SUZ12: variants seen among roughly 807,000 people sequenced by gnomAD.
SUZ12 encodes the protein polycomb protein SUZ12.
SUZ12 carries 17 observed loss-of-function variants against 87.3 expected under a neutral mutation model. The ratio of observed to expected loss-of-function variants is 0.19; its 90% CI spans 0.13 to 0.29. SUZ12 has a LOEUF of 0.29. Ranked by LOEUF, SUZ12 falls within the 10% of genes least tolerant of loss-of-function variation. SUZ12 has a pLI of 1.00. For synonymous variants in SUZ12, 253 were observed against 312.4 expected (o/e 0.81, Z 2.01); for missense variants, 526 against 912.2 (o/e 0.58, Z 5.45).
chr17:31,977,966 G>C (rs1162209055), intron 8 of SUZ12, among the ~76,000 whole-genome samples: 1 of 152,172 alleles, frequency 6.6e-6, no homozygotes, highest in Non-Finnish European at 1.5e-5. Context: ...AAGAAACACA[G>C]ACTTATTAAA....
At chr17:31,979,023 T>A (rs888624786) in intron 8 of SUZ12, among the ~76,000 whole-genome samples, 6 of 148,662 alleles carry the variant, frequency 4.0e-5, no homozygotes, top group Non-Finnish European at 7.4e-5. Flanking sequence ...GGAGAATCGC[T>A]TGAACCCAGG....
intron 10 of SUZ12, among the ~76,000 whole-genome samples, chr17:31,992,676 C>T (rs972670083): frequency 1.3e-5 from 2 of 152,146 alleles, no homozygotes; most frequent in African/African-American, 4.8e-5. Flanking sequence ...TCCCAAAGCA[C>T]TGGGATTACA....
intron 4 of SUZ12, among the ~76,000 whole-genome samples, chr17:31,964,818 T>G (rs1453042463): frequency 6.6e-6 from 1 of 151,842 alleles, no homozygotes; most frequent in Non-Finnish European, 1.5e-5. Flanking sequence ...TTCTCTATCT[T>G]AGAAAAAGAG....
chr17:31,976,968 TG>T (rs1908792802), intron 8 of SUZ12, among the ~76,000 whole-genome samples: 1 of 152,234 alleles, frequency 6.6e-6, no homozygotes, highest in African/African-American at 2.4e-5. Context: ...AATCAACTAA[TG>T]TCACTTAGTG....
chr17:31,953,862 C>T (rs919302904), intron 4 of SUZ12, among the ~76,000 whole-genome samples: 5 of 151,386 alleles, frequency 3.3e-5, no homozygotes, highest in East Asian at 1.9e-4. Context: ...TATAGGCACG[C>T]GGTGCCACTC....
At chr17:31,987,948 A>G (rs1454915986) in intron 9 of SUZ12, among the ~76,000 whole-genome samples, 1 of 152,170 alleles carries the variant, frequency 6.6e-6, no homozygotes, top group Non-Finnish European at 1.5e-5. Flanking sequence ...TCAAAAAAAA[A>G]AAAAGACATT....
At chr17:31,988,548 G>A (rs773122166) in intron 10 of SUZ12, 51 bp downstream of exon 10, 1 of 1,490,520 alleles carries the variant, frequency 6.7e-7, no homozygotes, top group African/African-American at 1.4e-5. Context: ...GCAGAGTTAG[G>A]TCTTGTGCTT....
At chr17:31,956,289 G>A (rs960502866) in intron 4 of SUZ12, among the ~76,000 whole-genome samples, 19 of 151,854 alleles carry the variant, frequency 1.3e-4, no homozygotes, top group African/African-American at 3.9e-4. Context: ...CGCCTCCTGG[G>A]TTCAAGCAAT....
intron 6 of SUZ12, among the ~76,000 whole-genome samples, chr17:31,975,054 G>T (rs1908663655): frequency 6.6e-6 from 1 of 151,718 alleles, no homozygotes; most frequent in South Asian, 2.1e-4. Flanking sequence ...TATTTCTAAT[G>T]GTCCTATTAG....
chr17:31,978,391 T>G (rs1337610660), intron 8 of SUZ12, among the ~76,000 whole-genome samples: 1 of 151,972 alleles, frequency 6.6e-6, no homozygotes, highest in Non-Finnish European at 1.5e-5. Flanking sequence ...GTATTTTTAG[T>G]AGAGATGAGG....
chr17:31,951,048 G>A lies in SUZ12; in HGVS notation c.455+3363G>A, dbSNP rs545220260. On this transcript the variant is annotated intron_variant, in intron 4 of 15. Coordinates refer to ENST00000322652, the MANE Select transcript of SUZ12 (RefSeq NM_015355.4). Reference sequence around the variant, plus strand: ...GCCCATCTCAGCCTCCCAAAGTGCTGGGATTACAGGCGTGAGCCACCGCGC... The same window carrying A: ...GCCCATCTCAGCCTCCCAAAGTGCTAGGATTACAGGCGTGAGCCACCGCGC... Among the ~76,000 whole-genome samples the A allele has an allele frequency of 4.6e-5, 7 of 152,284 alleles. No individual in the cohort carries two copies. In the South Asian group the frequency reaches 1.5e-3, roughly 32 times the overall value.
chr17:31,974,984 A>T (rs186141721), intron 6 of SUZ12, among the ~76,000 whole-genome samples: 26 of 152,296 alleles, frequency 1.7e-4, no homozygotes, highest in African/African-American at 6.0e-4. Flanking sequence ...TATTTTAACT[A>T]TATGGATTTA....
intron 10 of SUZ12, among the ~76,000 whole-genome samples, chr17:31,992,798 C>T (rs1249093848): frequency 1.3e-5 from 2 of 151,478 alleles, no homozygotes; most frequent in East Asian, 2.0e-4. Context: ...ACCTCCGCCT[C>T]CCGGGTTCAA....
At chr17:31,965,889 T>C (rs9910621) in intron 4 of SUZ12, 8,578 of 306,986 alleles carry the variant, frequency 0.028, 654 homozygotes, top group African/African-American at 0.17. Context: ...CTTGGTCTGG[T>C]GTTTTTGTGG....
chr17:31,990,286 A>G (rs188835146), intron 10 of SUZ12, among the ~76,000 whole-genome samples: 245 of 150,840 alleles, frequency 1.6e-3, no homozygotes, highest in African/African-American at 5.4e-3. Context: ...CTTTTTTTGT[A>G]TTTTTAGTAG....
At chr17:31,972,519 C>T (rs1372392454) in intron 5 of SUZ12, among the ~76,000 whole-genome samples, 11 of 151,826 alleles carry the variant, frequency 7.2e-5, no homozygotes, top group African/African-American at 2.7e-4. Context: ...CTCAAGAGAT[C>T]CTTCCACCTA....
chr17:31,982,578 G>A (rs1384742569), intron 8 of SUZ12, among the ~76,000 whole-genome samples: 4 of 152,152 alleles, frequency 2.6e-5, no homozygotes, highest in Non-Finnish European at 5.9e-5. Flanking sequence ...AGAATCGCTT[G>A]AACCTGGGCA....
intron 5 of SUZ12, among the ~76,000 whole-genome samples, chr17:31,970,857 T>A (rs1329201590): frequency 6.6e-6 from 1 of 152,074 alleles, no homozygotes; most frequent in African/African-American, 2.4e-5. Context: ...AACAAAAAAT[T>A]TTTTTTGTGT....
intron 4 of SUZ12, among the ~76,000 whole-genome samples, chr17:31,959,732 G>T (rs987541017): frequency 1.3e-5 from 2 of 152,108 alleles, no homozygotes; most frequent in African/African-American, 2.4e-5. Flanking sequence ...TTCCTCTGTG[G>T]GATCTGGCTG....
Sources: allele counts gnomAD v4.1 joint callset (sites outside exome capture counted in the v4.1 genomes callset), GRCh38; gene constraint gnomAD v4.1.1; transcripts MANE v1.5; gene names NCBI Gene and HGNC (gene_info 2026-07-23, HGNC 2026-07-21).